Variants in HNRNPA3 observed in about 807,000 individuals in gnomAD.
The protein encoded by HNRNPA3 is heterogeneous nuclear ribonucleoprotein A3, also known as epididymis secretory sperm binding protein.
HNRNPA3 carries 3 observed loss-of-function variants against 45.8 expected under a neutral mutation model. The ratio of observed to expected loss-of-function variants is 0.07; its 90% CI spans 0.03 to 0.17. The LOEUF is 0.17. Among genes scored for constraint, HNRNPA3 ranks in the 10% least tolerant of loss-of-function variants. The pLI is 1.00. For missense variants in HNRNPA3, 183 were observed against 480.3 expected, an observed-to-expected ratio of 0.38 and a Z score of 5.79; for synonymous variants, 170 against 155.6, an observed-to-expected ratio of 1.09 and a Z score of -0.69.
At chr2:177,216,830 T>C in intron 6 of HNRNPA3, 30 bp from the exon 7 acceptor site, 2 of 1,612,926 alleles carry the variant, frequency 1.2e-6, no homozygotes, top group Non-Finnish European at 8.5e-7. Context: ...TTGAATATAT[T>C]ATTTTAATTC....
chr2:177,219,795 T>G (rs1392195132), exon 11 of HNRNPA3: 1 of 152,834 alleles, frequency 6.5e-6, no homozygotes, highest in African/African-American at 2.4e-5. Context: ...TGTAGTTCAG[T>G]TTTTCTACAT....
intron 10 of HNRNPA3, 41 bp from the exon 11 acceptor site, chr2:177,219,367 C>A: frequency 1.5e-6 from 2 of 1,310,604 alleles, no homozygotes; most frequent in Admixed American, 1.9e-5. Context: ...TGGAACTGTT[C>A]ACTGAGTGTA....
chr2:177,214,793 TCAAAAA>T (rs935418774), intron 1 of HNRNPA3, among the ~76,000 whole-genome samples: 11 of 152,168 alleles, frequency 7.2e-5, no homozygotes, highest in Admixed American at 2.0e-4. Flanking sequence ...AGACTCAGTC[TCAAAAA>T]CAAAACAAAC....
downstream of HNRNPA3, chr2:177,223,213 G>T (rs185139770): frequency 2.0e-5 from 3 of 152,120 alleles, no homozygotes; most frequent in Non-Finnish European, 4.4e-5. Flanking sequence ...TTCTACGCGT[G>T]TTGAATAAGG....
chr2:177,220,292 C>T (rs920174746), downstream of HNRNPA3: 21 of 152,558 alleles, frequency 1.4e-4, no homozygotes, highest in African/African-American at 4.3e-4. Flanking sequence ...TGTTTACTGC[C>T]CTCCATTTAA....
chr2:177,213,125 C>T (rs565758382), intron 1 of HNRNPA3, among the ~76,000 whole-genome samples: 1 of 151,542 alleles, frequency 6.6e-6, no homozygotes, highest in East Asian at 1.9e-4. Flanking sequence ...GGAAGCCGGC[C>T]TGCCGGCTGC....
At chr2:177,212,991 C>T in intron 1 of HNRNPA3, 120 bp downstream of exon 1, 1 of 599,196 alleles carries the variant, frequency 1.7e-6, no homozygotes, top group Non-Finnish European at 2.7e-6. Flanking sequence ...TTGAGACAGG[C>T]TGTGGGAGGG....
chr2:177,219,276 G>A, exon 10 of HNRNPA3: 2 of 1,613,606 alleles, frequency 1.2e-6, no homozygotes, highest in Non-Finnish European at 1.7e-6. Context: ...TGGAAGTGGT[G>A]GATATGGTAG....
exon 7 of HNRNPA3, chr2:177,216,924 T>C (rs778125156): frequency 3.2e-6 from 5 of 1,574,462 alleles, no homozygotes; most frequent in Admixed American, 1.9e-5. Flanking sequence ...GTGGATATAA[T>C]GGATTTGGAG....
exon 8 of HNRNPA3, chr2:177,217,750 A>G (rs765810523): frequency 7.4e-6 from 12 of 1,613,068 alleles, no homozygotes; most frequent in South Asian, 1.1e-5. Flanking sequence ...AGAGGGGGCT[A>G]TGGTGGTGGT....
intron 10 of HNRNPA3, 37 bp downstream of exon 10, chr2:177,219,351 AAT>A (rs757478982): frequency 3.5e-6 from 5 of 1,444,362 alleles, no homozygotes; most frequent in South Asian, 2.4e-5. Context: ...ATGATAAAAG[AAT>A]ATGTGGAACT....
chr2:177,213,399 T>A (rs1688774614), intron 1 of HNRNPA3, among the ~76,000 whole-genome samples: 1 of 152,214 alleles, frequency 6.6e-6, no homozygotes, highest in South Asian at 2.1e-4. Flanking sequence ...AAGCCGCAAA[T>A]GGCCTCGAAG....
rs1415424288 is a variant in HNRNPA3, at chr2:177,217,699, T to C, written c.821-6T>C. 2 of 1,612,204 alleles carry C rather than the reference T, an allele frequency of 1.2e-6. No homozygotes were observed. Among genetic ancestry groups the C allele is most frequent in the Admixed American group, 1.7e-5 (1 of 59,996 alleles). ...TGTGTGGTCTTGTTATTTGTTGTTT[T>C]TTTAGGTGGCAACTATGGCGGTGGT... On this transcript the variant is annotated splice_region_variant and splice_polypyrimidine_tract_variant and intron_variant, in intron 7 of 10. Transcript: ENST00000392524.
chr2:177,218,097 T>TGTTGCCC (rs1689034219), intron 8 of HNRNPA3, among the ~76,000 whole-genome samples: 2 of 143,682 alleles, frequency 1.4e-5, no homozygotes, highest in Admixed American at 1.5e-4. Context: ...AGTCTTGCTC[T>TGTTGCCC]GTTGCCCAGG....
chr2:177,213,880 C>T (rs1688803553), intron 1 of HNRNPA3, among the ~76,000 whole-genome samples: 1 of 152,190 alleles, frequency 6.6e-6, no homozygotes, highest in African/African-American at 2.4e-5. Context: ...TAATGTGGAT[C>T]CTAAATATTT....
downstream of HNRNPA3, chr2:177,220,715 C>T (rs1007890192): frequency 7.2e-5 from 11 of 152,680 alleles, no homozygotes; most frequent in Non-Finnish European, 1.6e-4. Flanking sequence ...TTCTTAAATT[C>T]CCAAAGAACA....
intron 7 of HNRNPA3, among the ~76,000 whole-genome samples, chr2:177,217,371 A>T (rs1688985573): frequency 6.6e-6 from 1 of 152,252 alleles, no homozygotes; most frequent in African/African-American, 2.4e-5. Flanking sequence ...ATAAAACCAG[A>T]GTTGAGTAAT....
At chr2:177,216,408 C>T (rs1389871066) in intron 4 of HNRNPA3, 95 bp from the exon 5 acceptor site, 6 of 882,088 alleles carry the variant, frequency 6.8e-6, no homozygotes, top group Non-Finnish European at 1.1e-5. Flanking sequence ...CTGATTATGT[C>T]TTAATGGGTT....
chr2:177,220,563 C>G (rs949503234), downstream of HNRNPA3: 3 of 152,630 alleles, frequency 2.0e-5, no homozygotes, highest in African/African-American at 7.2e-5. Flanking sequence ...TGTTTGTATT[C>G]TATACATTTT....
Sources: allele counts gnomAD v4.1 joint callset (sites outside exome capture counted in the v4.1 genomes callset), GRCh38; gene constraint gnomAD v4.1.1; transcripts MANE v1.5; gene names NCBI Gene and HGNC (gene_info 2026-07-23, HGNC 2026-07-21).